Variants in TPO observed in about 807,000 individuals in gnomAD.
TPO encodes thyroid peroxidase, also known as thyroid microsomal antigen.
In TPO, 78 loss-of-function variants were observed where a neutral mutation model predicts 96.9. That is an observed-to-expected ratio of 0.81 (90% CI 0.67 to 0.97). TPO has a LOEUF of 0.97. Ranked by LOEUF, TPO falls within the 50% of genes least tolerant of loss-of-function variation. The pLI is 0.00. For missense variants in TPO, 1,252 were observed against 1,274.8 expected (o/e 0.98, Z 0.27); for synonymous variants, 547 against 538.0 (o/e 1.02, Z -0.23).
chr2:1,457,731 G>C (rs1455492490), intron 7 of TPO, among the ~76,000 whole-genome samples: 2 of 152,098 alleles, frequency 1.3e-5, no homozygotes, highest in Admixed American at 1.3e-4. Flanking sequence ...GTGGTCACAA[G>C]TATATAGCAT....
chr2:1,405,553 A>G (rs1662238409), intron 1 of TPO, among the ~76,000 whole-genome samples: 1 of 148,614 alleles, frequency 6.7e-6, no homozygotes, highest in African/African-American at 2.5e-5. Context: ...ATCAGAACCC[A>G]CCCCACTCTC....
At chr2:1,516,652 C>T (rs540565336) in intron 14 of TPO, among the ~76,000 whole-genome samples, 1 of 152,352 alleles carries the variant, frequency 6.6e-6, no homozygotes, top group Admixed American at 6.5e-5. Context: ...AGAGAGCTAA[C>T]TTCTCTGCCC....
At chr2:1,515,111 C>T (rs1284319417) in intron 14 of TPO, among the ~76,000 whole-genome samples, 1 of 152,232 alleles carries the variant, frequency 6.6e-6, no homozygotes, top group African/African-American at 2.4e-5. Context: ...CCTGTCCTGA[C>T]TGCCCTGACC....
intron 13 of TPO, among the ~76,000 whole-genome samples, chr2:1,497,691 C>G (rs1425829675): frequency 6.6e-6 from 1 of 152,134 alleles, no homozygotes; most frequent in Admixed American, 6.5e-5. Flanking sequence ...GAAGGCCAAC[C>G]AGCTGCCTTC....
chr2:1,538,059 C>A (rs72776279), intron 15 of TPO, among the ~76,000 whole-genome samples: 21 of 88,348 alleles, frequency 2.4e-4, no homozygotes, highest in Admixed American at 5.4e-4. Flanking sequence ...CTCCTCAAAT[C>A]CCCCACACTG....
chr2:1,496,804 A>C, intron 13 of TPO, 39 bp downstream of exon 13: 1 of 1,613,720 alleles, frequency 6.2e-7, no homozygotes. Context: ...AAACATCTGA[A>C]TGTTTCCGAT....
At chr2:1,492,761 G>C (rs1411388654) in intron 10 of TPO, among the ~76,000 whole-genome samples, 1 of 152,198 alleles carries the variant, frequency 6.6e-6, no homozygotes, top group Admixed American at 6.5e-5. Context: ...CTGGGAGCCT[G>C]TGGTGGGCAG....
Position 1,446,347 on chromosome 2 carries a change from G to A in TPO, c.483-7347G>A, listed in dbSNP as rs184325997. Among the ~76,000 whole-genome samples the A allele has an allele frequency of 4.4e-4, 67 of 152,246 alleles. 1 individual carries two copies. Among genetic ancestry groups the A allele is most frequent in the South Asian group, 2.5e-3 (12 of 4,812 alleles). On this transcript the variant is annotated intron_variant, in intron 5 of 16. Coordinates refer to ENST00000329066, the MANE Select transcript of TPO (RefSeq NM_001206744.2). ...TGCCTTGCTGAGGGAGACACTCATC[G>A]TTACAGGGCAGGCATGGGCGCCTCT...
chr2:1,391,379 T>C (rs1259448625), intron 1 of TPO, among the ~76,000 whole-genome samples: 1 of 152,248 alleles, frequency 6.6e-6, no homozygotes, highest in Non-Finnish European at 1.5e-5. Context: ...TCTATATGTC[T>C]GTTTTGGTAC....
Position 1,420,557 on chromosome 2 carries a change from C to T in TPO, c.95-2488C>T, listed in dbSNP as rs765782396. ...TTCATGAGATGAAGGATAAATTGTG[C>T]GTTACCTCCACAGCTCTGCAACATG... On this transcript the variant is annotated intron_variant, in intron 2 of 16. Transcript: ENST00000329066. Among the ~76,000 whole-genome samples, 4 of 152,088 alleles carry T rather than the reference C, an allele frequency of 2.6e-5. No individual in the cohort carries two copies. In the East Asian group the frequency reaches 5.8e-4, roughly 22 times the overall value.
chr2:1,450,473 C>G (rs182655506), intron 5 of TPO, among the ~76,000 whole-genome samples: 10 of 152,258 alleles, frequency 6.6e-5, no homozygotes, highest in Non-Finnish European at 1.2e-4. Context: ...AAATGTTTCT[C>G]TTTGTTCATT....
intron 6 of TPO, among the ~76,000 whole-genome samples, chr2:1,455,860 T>A (rs1221426266): frequency 6.6e-6 from 1 of 152,154 alleles, no homozygotes; most frequent in Non-Finnish European, 1.5e-5. Context: ...TGCCAGGCCC[T>A]CCAGCCACCA....
chr2:1,512,827 A>G (rs1674298845), intron 14 of TPO, among the ~76,000 whole-genome samples: 1 of 152,020 alleles, frequency 6.6e-6, no homozygotes, highest in African/African-American at 2.4e-5. Context: ...AGGAGCTGGG[A>G]GGTGAACAGC....
chr2:1,430,592 T>C (rs1022893948), intron 3 of TPO, among the ~76,000 whole-genome samples: 1 of 152,188 alleles, frequency 6.6e-6, no homozygotes, highest in Non-Finnish European at 1.5e-5. Context: ...GCTTGCACTC[T>C]GCAACTGAAA....
intron 5 of TPO, among the ~76,000 whole-genome samples, chr2:1,446,833 G>A (rs1411050166): frequency 1.3e-5 from 2 of 152,094 alleles, no homozygotes; most frequent in Non-Finnish European, 2.9e-5. Flanking sequence ...AAACTTTTTT[G>A]TTATGTTTAA....
upstream of TPO, among the ~76,000 whole-genome samples, chr2:1,409,464 A>T (rs998679217): frequency 1.3e-5 from 2 of 152,216 alleles, no homozygotes; most frequent in African/African-American, 4.8e-5. Context: ...AATTTGTTTT[A>T]AAATGAATTG....
chr2:1,411,155 C>T (rs1285769342), upstream of TPO, among the ~76,000 whole-genome samples: 1 of 152,210 alleles, frequency 6.6e-6, no homozygotes, highest in Non-Finnish European at 1.5e-5. Context: ...CTCCGCTCCC[C>T]TCTCAACATT....
intron 1 of TPO, among the ~76,000 whole-genome samples, chr2:1,381,348 A>G (rs13009089): frequency 0.11 from 16,379 of 152,264 alleles, 1,729 homozygotes; most frequent in African/African-American, 0.28. Context: ...GGTGAAGGAT[A>G]TGAACAGACA....
intron 7 of TPO, among the ~76,000 whole-genome samples, chr2:1,466,612 GA>G (rs940728445): frequency 3.3e-5 from 5 of 152,088 alleles, no homozygotes; most frequent in African/African-American, 1.2e-4. Context: ...CTTAAGCTAG[GA>G]GGGTTATATC....
Sources: gnomAD v4.1 joint callset for allele counts (sites outside exome capture counted in the v4.1 genomes callset) on GRCh38, gnomAD v4.1.1 for gene constraint, MANE v1.5 for transcripts, NCBI Gene and HGNC (gene_info 2026-07-23, HGNC 2026-07-21) for gene names.